Variants in STT3A observed in about 807,000 individuals in gnomAD.
STT3A encodes the protein dolichyl-diphosphooligosaccharide--protein glycosyltransferase subunit STT3A.
STT3A carries 34 observed loss-of-function variants against 89.2 expected under a neutral mutation model. That is an observed-to-expected ratio of 0.38 (90% CI 0.29 to 0.51). The LOEUF is 0.51. Among genes scored for constraint, STT3A ranks in the 20% least tolerant of loss-of-function variants. STT3A has a pLI of 0.89. For missense variants in STT3A, 555 were observed against 889.5 expected (o/e 0.62, Z 4.78); for synonymous variants, 282 against 310.3 (o/e 0.91, Z 0.96).
chr11:125,592,704 A>T (rs148454252), upstream of STT3A: 2 of 310,620 alleles, frequency 6.4e-6, no homozygotes, highest in African/African-American at 4.4e-5. Context: ...GATAGCTGTA[A>T]TGACCAATTA....
intron 5 of STT3A, chr11:125,603,358 A>T (rs538187977): frequency 2.5e-5 from 4 of 160,866 alleles, no homozygotes; most frequent in African/African-American, 7.2e-5. Flanking sequence ...TTTTTATTTT[A>T]AAATTCTTAA....
At chr11:125,608,970 C>G (rs558959654) in intron 9 of STT3A, among the ~76,000 whole-genome samples, 1 of 152,244 alleles carries the variant, frequency 6.6e-6, no homozygotes, top group Non-Finnish European at 1.5e-5. Flanking sequence ...TGGCACTCAT[C>G]TAATCCCATG....
chr11:125,602,415 A>G lies in STT3A; in HGVS notation c.262A>G (p.Ile88Val). 1 of 1,608,772 alleles carries G rather than the reference A, an allele frequency of 6.2e-7. No individual in the cohort carries two copies. Among genetic ancestry groups the G allele is most frequent in the Non-Finnish European group, 8.5e-7 (1 of 1,178,178 alleles). ...TTTGGGACGAATCATTGGAGGAACAATTTACCCAGGTGAGGAGACCAGATG... is the reference window on the plus strand; with the variant it reads ...TTTGGGACGAATCATTGGAGGAACAGTTTACCCAGGTGAGGAGACCAGATG... ...YPLGRIIGGT[I>V]YPGLMITSAA... The change falls in exon 4 of 18, where the codon ATT becomes GTT. Residue 88 changes from isoleucine to valine, a missense_variant. Transcript: ENST00000392708.
rs774670915 is a variant in STT3A, at chr11:125,620,079, C to T, written c.2032C>T (p.Leu678=). The change falls in exon 17 of 18, where the codon CTG becomes TTG. Residue 678 remains leucine (L), a synonymous_variant. Coordinates refer to ENST00000392708, the MANE Select transcript of STT3A (RefSeq NM_152713.5). ...IGNKDFELDV[L]EEAYTTEHWL... ...GAATAAAGACTTTGAGCTTGATGTC[C>T]TGGAGGAAGCATATACCACAGAACA... 7 of 1,614,104 alleles carry T rather than the reference C, an allele frequency of 4.3e-6. No homozygotes were observed. Among genetic ancestry groups the T allele is most frequent in the South Asian group, 1.1e-5 (1 of 91,076 alleles).
At chr11:125,618,273 C>T in intron 15 of STT3A, 100 bp from the exon 16 acceptor site, 2 of 1,082,296 alleles carry the variant, frequency 1.8e-6, no homozygotes, top group East Asian at 2.6e-5. Context: ...GATACCAATC[C>T]CCATTAAAAA....
intron 15 of STT3A, among the ~76,000 whole-genome samples, chr11:125,615,530 A>G (rs1220296328): frequency 1.3e-5 from 2 of 152,218 alleles, no homozygotes; most frequent in Admixed American, 1.3e-4. Flanking sequence ...ATACAAATAA[A>G]AAATACAGTA....
At chr11:125,610,522 C>T (rs11220150) in intron 10 of STT3A, among the ~76,000 whole-genome samples, 42,050 of 151,400 alleles carry the variant, frequency 0.28, 5,973 homozygotes, top group East Asian at 0.4. Context: ...AATTTGAGAT[C>T]AACCTGGGCA....
Position 125,618,429 on chromosome 11 carries a change from C to G in STT3A, c.1831C>G (p.His611Asp). The G allele has an allele frequency of 6.2e-7, 1 of 1,612,992 alleles. No homozygotes were observed. Among genetic ancestry groups the G allele is most frequent in the South Asian group, 1.1e-5 (1 of 91,020 alleles). ...RIGGSTDTGK[H>D]IKENDYYTPT... ...TGGAGGGAGCACAGATACAGGCAAA[C>G]ATATCAAGGAGAATGACTATTATAC... The change falls in exon 16 of 18, where the codon CAT (histidine) becomes GAT (aspartate). Residue 611 changes from histidine (H) to aspartate (D), a missense_variant. Physicochemically the swap from His to Asp is moderately conservative, Grantham distance 81 (BLOSUM62 -1). Coordinates refer to ENST00000392708, the MANE Select transcript of STT3A (RefSeq NM_152713.5).
At chr11:125,612,448 C>G in intron 11 of STT3A, 144 bp from the exon 12 acceptor site, 1 of 860,556 alleles carries the variant, frequency 1.2e-6, no homozygotes, top group Non-Finnish European at 1.7e-6. Context: ...AATACTGCAA[C>G]TGTTTCAAGT....
intron 17 of STT3A, among the ~76,000 whole-genome samples, chr11:125,620,424 G>T (rs962450004): frequency 6.6e-6 from 1 of 152,088 alleles, no homozygotes; most frequent in Non-Finnish European, 1.5e-5. Context: ...AGGAAATAGA[G>T]AAAAAGTTCA....
At chr11:125,619,931 T>C (rs908310368) in intron 16 of STT3A, 80 bp from the exon 17 acceptor site, 4 of 1,187,846 alleles carry the variant, frequency 3.4e-6, no homozygotes, top group Non-Finnish European at 4.8e-6. Context: ...AATTAGTAGA[T>C]GGTTTCCTGA....
intron 17 of STT3A, 141 bp downstream of exon 17, chr11:125,620,267 G>A (rs1228048212): frequency 1.5e-6 from 1 of 655,842 alleles, no homozygotes; most frequent in Non-Finnish European, 2.6e-6. Context: ...CAAACTCACT[G>A]AAAATTTTAC....
rs1049990181 is a variant in STT3A at position 125,622,273 on chromosome 11, C to A, written c.*1463C>A. ...TAGCCAGGGCACTTAGCCTTCCAAA[C>A]CAATTTATATACCATGTTCTTCAAC... On this transcript the variant is annotated 3_prime_UTR_variant, in exon 18 of 18. Coordinates refer to ENST00000392708, the MANE Select transcript of STT3A (RefSeq NM_152713.5). 9 of 152,178 alleles carry A rather than the reference C, an allele frequency of 5.9e-5. No homozygotes were observed. Among genetic ancestry groups the A allele is most frequent in the Non-Finnish European group, 2.9e-5 (2 of 68,034 alleles). The allele number at this position is 152,178 out of a possible 1,614,324, so 9.4% of individuals were successfully genotyped here.
At chr11:125,594,271 C>G (rs1463957509) in intron 1 of STT3A, among the ~76,000 whole-genome samples, 1 of 152,134 alleles carries the variant, frequency 6.6e-6, no homozygotes, top group African/African-American at 2.4e-5. Context: ...TAACTTAGCT[C>G]TTGATCACCT....
chr11:125,597,216 A>G, intron 3 of STT3A, 97 bp downstream of exon 3: 1 of 1,244,770 alleles, frequency 8.0e-7, no homozygotes, highest in Non-Finnish European at 1.2e-6. Context: ...AGTGATAGAG[A>G]TGTGCTTTCA....
intron 9 of STT3A, 73 bp downstream of exon 9, chr11:125,608,362 C>T (rs917142900): frequency 2.7e-5 from 39 of 1,461,358 alleles, no homozygotes; most frequent in Middle Eastern, 5.0e-4. Flanking sequence ...TTGCCCAGGC[C>T]GGAGTGCAGT....
upstream of STT3A, among the ~76,000 whole-genome samples, chr11:125,592,048 G>C (rs1213852771): frequency 1.3e-5 from 2 of 152,200 alleles, no homozygotes; most frequent in South Asian, 2.1e-4. Context: ...TTTTAACAAA[G>C]GGCTGAACTG....
At chr11:125,597,355 TG>T (rs1330932079) in intron 3 of STT3A, among the ~76,000 whole-genome samples, 1 of 145,186 alleles carries the variant, frequency 6.9e-6, no homozygotes. Context: ...GAGGCTGAGG[TG>T]GAGGGATCAC....
Position 125,604,199 on chromosome 11 carries a change from G to C in STT3A, c.460G>C (p.Val154Leu). The change falls in exon 6 of 18, where the codon GTT (valine) becomes CTT (leucine). Residue 154 changes from valine (V) to leucine (L), a missense_variant. Physicochemically the swap from Val to Leu is conservative, Grantham distance 32 (BLOSUM62 1). Coordinates refer to ENST00000392708, the MANE Select transcript of STT3A (RefSeq NM_152713.5). ...TCTTGCTGCTGCCATGATTGCTGTA[G>C]TTCCTGGATATATCTCCCGATCTGT... ...GLLAAAMIAV[V>L]PGYISRSVAG... The C allele has an allele frequency of 1.2e-6, 2 of 1,614,046 alleles. No individual in the cohort carries two copies. The highest frequency in any genetic ancestry group is 1.7e-6 in the Non-Finnish European group (2 of 1,179,970).
Sources: gnomAD v4.1 joint callset for allele counts (sites outside exome capture counted in the v4.1 genomes callset) on GRCh38, gnomAD v4.1.1 for gene constraint, MANE v1.5 for transcripts, NCBI Gene and HGNC (gene_info 2026-07-23, HGNC 2026-07-21) for gene names.